The following PTPRM variants were observed in gnomAD, a reference collection of about 807,000 sequenced individuals.
PTPRM encodes receptor-type tyrosine-protein phosphatase mu.
PTPRM carries 47 observed loss-of-function variants against 186.7 expected under a neutral mutation model. The observed-to-expected ratio is 0.25, with a 90% confidence interval of 0.20 to 0.32. The LOEUF is 0.32. Ranked by LOEUF, PTPRM falls within the 10% of genes least tolerant of loss-of-function variation. The pLI is 1.00. For synonymous variants in PTPRM, 668 were observed against 674.9 expected, an observed-to-expected ratio of 0.99 and a Z score of 0.16; for missense variants, 1,494 against 1,865.0, an observed-to-expected ratio of 0.80 and a Z score of 3.66.
At chr18:8,044,756 CAAAAAAAAAA>C (rs67620203) in intron 7 of PTPRM, among the ~76,000 whole-genome samples, 2 of 104,720 alleles carry the variant, frequency 1.9e-5, no homozygotes, top group Non-Finnish European at 3.8e-5. Context: ...GACTCTGTCT[CAAAAAAAAAA>C]AAAAAAAGAA....
chr18:8,100,703 G>C (rs912801270), intron 11 of PTPRM, among the ~76,000 whole-genome samples: 1 of 152,172 alleles, frequency 6.6e-6, no homozygotes, highest in Non-Finnish European at 1.5e-5. Flanking sequence ...TATACTACTT[G>C]CCTGTCTCAC....
At chr18:8,009,245 C>T (rs2084371800) in intron 7 of PTPRM, among the ~76,000 whole-genome samples, 1 of 151,792 alleles carries the variant, frequency 6.6e-6, no homozygotes. Flanking sequence ...TGTTAGCTGT[C>T]ATTCTGAAGG....
chr18:7,784,187 T>C (rs2042991093), intron 2 of PTPRM, among the ~76,000 whole-genome samples: 1 of 152,122 alleles, frequency 6.6e-6, no homozygotes, highest in Non-Finnish European at 1.5e-5. Context: ...CGAATACATT[T>C]AAATAAATAA....
chr18:7,957,137 T>C (rs1291918935), intron 7 of PTPRM, among the ~76,000 whole-genome samples: 1 of 152,060 alleles, frequency 6.6e-6, no homozygotes, highest in Non-Finnish European at 1.5e-5. Context: ...TTCTAGTCAC[T>C]AGCAGCCCCA....
chr18:8,071,423 T>G (rs1433018336), intron 8 of PTPRM, among the ~76,000 whole-genome samples: 2 of 152,230 alleles, frequency 1.3e-5, no homozygotes, highest in Non-Finnish European at 2.9e-5. Context: ...ACCTTTTCTT[T>G]GTGGTTCCAG....
intron 2 of PTPRM, among the ~76,000 whole-genome samples, chr18:7,878,114 C>G (rs929636340): frequency 6.6e-6 from 1 of 152,156 alleles, no homozygotes; most frequent in Non-Finnish European, 1.5e-5. Context: ...ATTTAAATTT[C>G]TTGGTTTAGT....
At chr18:8,312,061 G>A (rs1369301229) in intron 20 of PTPRM, among the ~76,000 whole-genome samples, 1 of 152,186 alleles carries the variant, frequency 6.6e-6, no homozygotes, top group African/African-American at 2.4e-5. Context: ...CCTGCCCAGG[G>A]AAAGCCTGAG....
rs569470490 is a variant in PTPRM at position 8,228,085 on chromosome 18, C to T, written c.2301-15973C>T. On this transcript the variant is annotated intron_variant, in intron 14 of 32. Coordinates refer to ENST00000580170, the MANE Select transcript of PTPRM (RefSeq NM_001105244.2). ...GGTTGGTTTGGGGAATGGCGTTAGG[C>T]GCTCACGTGAGCTGTGGGTTACTCC... 2.9e-3 allele frequency among the ~76,000 whole-genome samples: 440 copies of T among 152,318 alleles called. 2 individuals are homozygous for T. The highest frequency in any genetic ancestry group is 5.0e-3 in the Non-Finnish European group (343 of 68,032).
intron 1 of PTPRM, among the ~76,000 whole-genome samples, chr18:7,704,550 G>T (rs2040035493): frequency 6.6e-6 from 1 of 152,008 alleles, no homozygotes; most frequent in African/African-American, 2.4e-5. Flanking sequence ...GTGTCTATTT[G>T]ATTCTTCTTT....
At chr18:8,165,310 A>G (rs1234625670) in intron 14 of PTPRM, among the ~76,000 whole-genome samples, 1 of 152,184 alleles carries the variant, frequency 6.6e-6, no homozygotes, top group East Asian at 1.9e-4. Context: ...GTACTTGTAC[A>G]CTTGGCTTGT....
chr18:8,345,996 G>A (rs1229458131), intron 23 of PTPRM, among the ~76,000 whole-genome samples: 1 of 152,168 alleles, frequency 6.6e-6, no homozygotes, highest in Non-Finnish European at 1.5e-5. Context: ...GTACTATGGG[G>A]CTATTATGCA....
At chr18:8,284,881 A>G (rs2147777411) in intron 19 of PTPRM, among the ~76,000 whole-genome samples, 1 of 152,364 alleles carries the variant, frequency 6.6e-6, no homozygotes, top group Admixed American at 6.5e-5. Flanking sequence ...ATATTCAAGA[A>G]CCAAGCCTCA....
chr18:8,228,747 GGAGGCT>G (rs1206452817), intron 14 of PTPRM, among the ~76,000 whole-genome samples: 1 of 151,902 alleles, frequency 6.6e-6, no homozygotes, highest in Non-Finnish European at 1.5e-5. Flanking sequence ...CAGCTACTTG[GGAGGCT>G]GAGGCAGGAG....
At position 8,120,492 on chromosome 18, in the gene PTPRM, C is replaced by CTTT. The variant is rs199835832; in HGVS notation, c.2167+5678_2167+5680dup. 2.5e-3 allele frequency among the ~76,000 whole-genome samples: 346 copies of CTTT among 136,566 alleles called. 1 individual carries two copies. Among genetic ancestry groups the CTTT allele is most frequent in the African/African-American group, 8.1e-3 (296 of 36,688 alleles). 89.6% of individuals were successfully genotyped at this position (136,566 alleles called of 152,430 possible). A position where few individuals can be genotyped will look rare whatever the true frequency, so the allele number is the denominator to read the frequency against. On this transcript the variant is annotated intron_variant, in intron 13 of 32. Transcript: ENST00000580170. ...TCTTTTTCTTTTTCTTTCTTTCTTT[C>CTTT]TTTTTTTTTTTTTTTCTTGAGACAG...
intron 1 of PTPRM, among the ~76,000 whole-genome samples, chr18:7,655,702 T>C (rs1192018222): frequency 6.6e-6 from 1 of 152,210 alleles, no homozygotes; most frequent in Non-Finnish European, 1.5e-5. Context: ...TATTACTCAA[T>C]GCTAAGAAGA....
intron 6 of PTPRM, 70 bp from the exon 7 acceptor site, chr18:7,955,051 G>T: frequency 7.3e-7 from 1 of 1,370,898 alleles, no homozygotes; most frequent in South Asian, 1.7e-5. Flanking sequence ...TTTAATAATT[G>T]ATGCATGTTT....
chr18:7,806,912 T>C (rs1435446721), intron 2 of PTPRM, among the ~76,000 whole-genome samples: 1 of 152,226 alleles, frequency 6.6e-6, no homozygotes, highest in African/African-American at 2.4e-5. Context: ...GTTTTCTTTT[T>C]CTTTTTCCCA....
chr18:7,836,076 GA>G (rs2046033478), intron 2 of PTPRM, among the ~76,000 whole-genome samples: 1 of 152,054 alleles, frequency 6.6e-6, no homozygotes, highest in Admixed American at 6.6e-5. Flanking sequence ...TTTGATTGGA[GA>G]GTTTAGTCCT....
intron 1 of PTPRM, among the ~76,000 whole-genome samples, chr18:7,679,152 A>G (rs1013413899): frequency 6.6e-6 from 1 of 152,218 alleles, no homozygotes; most frequent in Non-Finnish European, 1.5e-5. Context: ...AAGTGTTGTA[A>G]TGCATTCTGT....
Sources: allele counts gnomAD v4.1 joint callset (sites outside exome capture counted in the v4.1 genomes callset), GRCh38; gene constraint gnomAD v4.1.1; transcripts MANE v1.5; gene names NCBI Gene and HGNC (gene_info 2026-07-23, HGNC 2026-07-21).